HCRTR2: variants seen among roughly 807,000 people sequenced by gnomAD.
HCRTR2 encodes the protein orexin receptor type 2.
Under a neutral mutation model 49.0 loss-of-function variants are expected in HCRTR2, and 22 were observed. That is an observed-to-expected ratio of 0.45 (90% CI 0.32 to 0.64). The LOEUF is 0.64. Among genes scored for constraint, HCRTR2 ranks in the 30% least tolerant of loss-of-function variants. The pLI is 0.04. For missense variants in HCRTR2, 491 were observed against 559.4 expected, an observed-to-expected ratio of 0.88 and a Z score of 1.23; for synonymous variants, 236 against 205.3, an observed-to-expected ratio of 1.15 and a Z score of -1.28.
intron 1 of HCRTR2, among the ~76,000 whole-genome samples, chr6:55,225,640 GTAATGCTAATGCAGTGTAC>G (rs1337380883): frequency 6.6e-6 from 1 of 152,084 alleles, no homozygotes; most frequent in African/African-American, 2.4e-5. Flanking sequence ...CAAGTACCTG[GTAATGCTAATGCAGTGTAC>G]TATAATTCCA....
intron 1 of HCRTR2, among the ~76,000 whole-genome samples, chr6:55,142,242 G>C (rs1410380492): frequency 1.3e-5 from 2 of 151,916 alleles, no homozygotes; most frequent in African/African-American, 4.8e-5. Context: ...TGTCGCCCAG[G>C]CTAGAGTGCA....
intron 1 of HCRTR2, among the ~76,000 whole-genome samples, chr6:55,118,171 G>A (rs147456922): frequency 0.057 from 8,697 of 151,844 alleles, 311 homozygotes; most frequent in African/African-American, 0.092. Flanking sequence ...CTGTTCCTGA[G>A]TTAGTTTGCT....
In HCRTR2 at chr6:55,263,117, T is replaced by C. The variant is rs146606916; in HGVS notation, c.647-590T>C. Among the ~76,000 whole-genome samples the C allele has an allele frequency of 2.8e-3, 431 of 152,160 alleles. 2 individuals are homozygous for C. The highest frequency in any genetic ancestry group is 0.01 in the African/African-American group (417 of 41,550). On this transcript the variant is annotated intron_variant, in intron 3 of 6. Transcript: ENST00000370862. Reference sequence around the variant, plus strand: ...ATACTATGCTTAAAGAGGAATTTTGTATATGTTCCAATAAGTCAACAAAAA... The same window carrying C: ...ATACTATGCTTAAAGAGGAATTTTGCATATGTTCCAATAAGTCAACAAAAA...
chr6:55,130,372 T>C (rs994229069), intron 1 of HCRTR2, among the ~76,000 whole-genome samples: 6 of 148,716 alleles, frequency 4.0e-5, no homozygotes, highest in Admixed American at 1.3e-4. Flanking sequence ...TGGTAACCTT[T>C]TTTTTGTTGT....
chr6:55,110,944 A>G (rs1185112581), intron 1 of HCRTR2, among the ~76,000 whole-genome samples: 1 of 152,138 alleles, frequency 6.6e-6, no homozygotes, highest in Non-Finnish European at 1.5e-5. Flanking sequence ...TGCACATGGA[A>G]CATTCTTCAA....
At chr6:55,230,875 C>T (rs1284799123) in intron 1 of HCRTR2, among the ~76,000 whole-genome samples, 5 of 151,200 alleles carry the variant, frequency 3.3e-5, no homozygotes, top group Non-Finnish European at 7.4e-5. Flanking sequence ...TCATTTCTAG[C>T]CAATAAGACC....
At chr6:55,175,203 C>A (rs1400081704) in intron 1 of HCRTR2, among the ~76,000 whole-genome samples, 2 of 151,840 alleles carry the variant, frequency 1.3e-5, no homozygotes, top group Non-Finnish European at 2.9e-5. Flanking sequence ...GGGGTTGGGA[C>A]GAGACAGAGC....
intron 4 of HCRTR2, among the ~76,000 whole-genome samples, chr6:55,275,569 C>T (rs1767061670): frequency 4.7e-5 from 7 of 150,406 alleles, no homozygotes; most frequent in Admixed American, 3.3e-4. Flanking sequence ...TTTTTTTTCC[C>T]GATTTCAGGG....
At chr6:55,258,449 A>T (rs988100398) in intron 3 of HCRTR2, among the ~76,000 whole-genome samples, 1 of 152,144 alleles carries the variant, frequency 6.6e-6, no homozygotes, top group Non-Finnish European at 1.5e-5. Flanking sequence ...ACTCTGTCTA[A>T]CTAAAAAATT....
At chr6:55,109,764 A>G (rs1360513317) in intron 1 of HCRTR2, among the ~76,000 whole-genome samples, 2 of 152,172 alleles carry the variant, frequency 1.3e-5, no homozygotes, top group Non-Finnish European at 2.9e-5. Context: ...TTCCTGAGGA[A>G]GAAGAGAAAT....
chr6:55,187,003 A>G (rs567463541), intron 1 of HCRTR2, among the ~76,000 whole-genome samples: 1 of 152,296 alleles, frequency 6.6e-6, no homozygotes, highest in Admixed American at 6.5e-5. Context: ...CACTTTATTT[A>G]ATAGAGAATA....
chr6:55,192,522 G>A (rs746803864), intron 1 of HCRTR2, among the ~76,000 whole-genome samples: 3 of 152,074 alleles, frequency 2.0e-5, no homozygotes, highest in Non-Finnish European at 4.4e-5. Flanking sequence ...CCAGGAAGTC[G>A]AGGCTACAGT....
At chr6:55,137,846 T>C (rs1764453598) in intron 1 of HCRTR2, among the ~76,000 whole-genome samples, 1 of 152,340 alleles carries the variant, frequency 6.6e-6, no homozygotes, top group South Asian at 2.1e-4. Flanking sequence ...ATACCTTAGT[T>C]GTTATTGGAA....
At chr6:55,140,273 T>C (rs372336674) in intron 1 of HCRTR2, among the ~76,000 whole-genome samples, 1 of 152,212 alleles carries the variant, frequency 6.6e-6, no homozygotes, top group African/African-American at 2.4e-5. Context: ...TTAAGGCCTA[T>C]AGAAAATATT....
At chr6:55,183,266 G>T (rs1387229440) in intron 1 of HCRTR2, among the ~76,000 whole-genome samples, 1 of 152,210 alleles carries the variant, frequency 6.6e-6, no homozygotes, top group Non-Finnish European at 1.5e-5. Context: ...TACAGGAGGA[G>T]ATGACACCTA....
chr6:55,161,546 GT>G lies in HCRTR2; in HGVS notation c.-377-12657del, dbSNP rs369811914. 2.4e-4 allele frequency among the ~76,000 whole-genome samples: 37 copies of G among 151,610 alleles called. 1 individual carries two copies. The highest frequency in any genetic ancestry group is 4.9e-4 in the Non-Finnish European group (33 of 67,862). ...TCATAAATCAATGAATCCAAGAGCT[GT>G]TTTTTTTGAAAAGATTAACAAAATA... On this transcript the variant is annotated intron_variant, in intron 1 of 7. Transcript: ENST00000615358.
chr6:55,175,237 C>T (rs1232185879), intron 1 of HCRTR2, among the ~76,000 whole-genome samples: 2 of 152,080 alleles, frequency 1.3e-5, no homozygotes, highest in African/African-American at 4.8e-5. Context: ...AGCTACATCC[C>T]TAAGGAGCAA....
chr6:55,122,400 T>C (rs906819141), intron 1 of HCRTR2, among the ~76,000 whole-genome samples: 1 of 152,134 alleles, frequency 6.6e-6, no homozygotes, highest in Admixed American at 6.6e-5. Context: ...TTTGTTTATC[T>C]TTTCAAAAAA....
chr6:55,163,589 C>T (rs575619535), intron 1 of HCRTR2, among the ~76,000 whole-genome samples: 12 of 152,190 alleles, frequency 7.9e-5, no homozygotes, highest in East Asian at 7.7e-4. Context: ...AAAACTGAAA[C>T]GGGACTCCTC....
Sources: allele counts gnomAD v4.1 joint callset (sites outside exome capture counted in the v4.1 genomes callset), GRCh38; gene constraint gnomAD v4.1.1; transcripts MANE v1.5; gene names NCBI Gene and HGNC (gene_info 2026-07-23, HGNC 2026-07-21).